DCC: variants seen among roughly 807,000 people sequenced by gnomAD.
The protein encoded by DCC is DCC netrin 1 receptor, also known as netrin receptor DCC.
A neutral mutation model predicts 172.5 loss-of-function variants in DCC; 58 were observed. The observed-to-expected ratio is 0.34, with a 90% CI of 0.27 to 0.42. DCC has a LOEUF of 0.42. Ranked by LOEUF, DCC falls within the 10% of genes least tolerant of loss-of-function variation. The pLI, the probability that DCC is intolerant of heterozygous loss-of-function variation, is 1.00. For missense variants in DCC, 1,740 were observed against 1,791.0 expected, an observed-to-expected ratio of 0.97 and a Z score of 0.51; for synonymous variants, 709 against 644.5, an observed-to-expected ratio of 1.10 and a Z score of -1.52.
At chr18:52,362,134 T>A (rs1372035295) in intron 1 of DCC, among the ~76,000 whole-genome samples, 1 of 152,232 alleles carries the variant, frequency 6.6e-6, no homozygotes, top group Non-Finnish European at 1.5e-5. Flanking sequence ...AAATGAACCA[T>A]GAGTTGCTTG....
At chr18:53,392,134 A>G (rs1473794285) in intron 17 of DCC, among the ~76,000 whole-genome samples, 2 of 152,094 alleles carry the variant, frequency 1.3e-5, no homozygotes, top group Non-Finnish European at 2.9e-5. Flanking sequence ...CCAGATGCTG[A>G]GTTTGTATAA....
In DCC at chr18:52,674,637, C is replaced by G. The variant is rs139072472; in HGVS notation, c.92-77417C>G. ...CCAAAAAATGTGATTCTCTAAGAAGCCTTCATGTAACAATCTATACATTGG... is the reference window on the plus strand; with the variant it reads ...CCAAAAAATGTGATTCTCTAAGAAGGCTTCATGTAACAATCTATACATTGG... On this transcript the variant is annotated intron_variant, in intron 1 of 28. Coordinates refer to ENST00000442544, the MANE Select transcript of DCC (RefSeq NM_005215.4). Among the ~76,000 whole-genome samples, 319 of 152,322 alleles carry G rather than the reference C, an allele frequency of 2.1e-3. 2 individuals are homozygous for G. Among genetic ancestry groups the G allele is most frequent in the African/African-American group, 6.0e-3 (251 of 41,566 alleles).
At chr18:53,125,522 T>C (rs2043542882) in intron 7 of DCC, among the ~76,000 whole-genome samples, 1 of 152,126 alleles carries the variant, frequency 6.6e-6, no homozygotes, top group African/African-American at 2.4e-5. Flanking sequence ...TTATTGGTAC[T>C]CATCTTATAG....
At chr18:53,028,629 A>G (rs866076771) in intron 5 of DCC, among the ~76,000 whole-genome samples, 2 of 152,258 alleles carry the variant, frequency 1.3e-5, no homozygotes, top group Middle Eastern at 3.4e-3. Flanking sequence ...TTATTTGCAA[A>G]ATTGACTGTT....
chr18:52,564,256 C>T (rs76399800), intron 1 of DCC, among the ~76,000 whole-genome samples: 1,571 of 152,202 alleles, frequency 0.01, 7 homozygotes, highest in Non-Finnish European at 0.017. Flanking sequence ...CATTTACATA[C>T]ATGTGCATAT....
chr18:52,866,789 CTA>C (rs2039235699), intron 2 of DCC, among the ~76,000 whole-genome samples: 2 of 152,160 alleles, frequency 1.3e-5, no homozygotes, highest in Non-Finnish European at 2.9e-5. Flanking sequence ...TGGGCTGAGA[CTA>C]TGGGGTTTTC....
chr18:52,422,831 C>A (rs1344910427), intron 1 of DCC, among the ~76,000 whole-genome samples: 1 of 152,042 alleles, frequency 6.6e-6, no homozygotes, highest in Non-Finnish European at 1.5e-5. Context: ...AAGAAGGGTG[C>A]AAAGATACAA....
intron 17 of DCC, among the ~76,000 whole-genome samples, chr18:53,394,540 T>G (rs10163694): frequency 6.6e-6 from 1 of 151,914 alleles, no homozygotes; most frequent in Admixed American, 6.6e-5. Flanking sequence ...ATGTTTTATA[T>G]GAATTTCTAT....
chr18:52,941,615 TA>T (rs1251677300), intron 5 of DCC, among the ~76,000 whole-genome samples: 16 of 151,960 alleles, frequency 1.1e-4, no homozygotes, highest in Non-Finnish European at 2.1e-4. Flanking sequence ...TAAAAGGAAA[TA>T]TTTTGTCATT....
At chr18:53,191,724 A>G (rs1168151338) in intron 9 of DCC, among the ~76,000 whole-genome samples, 1 of 151,642 alleles carries the variant, frequency 6.6e-6, no homozygotes, top group African/African-American at 2.4e-5. Flanking sequence ...TATCTAAATA[A>G]CATTCATAGT....
chr18:53,320,084 T>G (rs2057391493), intron 13 of DCC, among the ~76,000 whole-genome samples: 1 of 149,300 alleles, frequency 6.7e-6, no homozygotes, highest in South Asian at 2.2e-4. Flanking sequence ...TTTTTTTTTT[T>G]TTTTTTGAGA....
At chr18:53,339,679 A>G (rs753132447) in intron 14 of DCC, 34 bp from the exon 15 acceptor site, 25 of 1,557,652 alleles carry the variant, frequency 1.6e-5, no homozygotes, top group Non-Finnish European at 2.2e-5. Flanking sequence ...TTCTGTTATG[A>G]GACATGCTGA....
chr18:53,262,570 C>A (rs532042905), intron 12 of DCC, among the ~76,000 whole-genome samples: 1 of 152,348 alleles, frequency 6.6e-6, no homozygotes, highest in South Asian at 2.1e-4. Flanking sequence ...CATAGTTCCT[C>A]AGAAAGGTGA....
chr18:53,248,056 A>C (rs138940670), intron 12 of DCC, among the ~76,000 whole-genome samples: 95 of 152,146 alleles, frequency 6.2e-4, no homozygotes, highest in African/African-American at 1.9e-3. Context: ...ATGTTCAGGA[A>C]TAGATGCTCA....
chr18:52,741,814 C>A (rs186342070), intron 1 of DCC, among the ~76,000 whole-genome samples: 1 of 152,060 alleles, frequency 6.6e-6, no homozygotes, highest in Non-Finnish European at 1.5e-5. Context: ...CCTCTGCCTG[C>A]GGTGTTCTTC....
At chr18:52,653,590 T>A (rs1245339764) in intron 1 of DCC, among the ~76,000 whole-genome samples, 1 of 152,204 alleles carries the variant, frequency 6.6e-6, no homozygotes, top group African/African-American at 2.4e-5. Flanking sequence ...TTCTGAGAGT[T>A]CAAACTTTGC....
At chr18:52,555,899 A>G (rs1228761190) in intron 1 of DCC, among the ~76,000 whole-genome samples, 1 of 151,742 alleles carries the variant, frequency 6.6e-6, no homozygotes, top group Non-Finnish European at 1.5e-5. Flanking sequence ...TTCATTAATA[A>G]CTCTTCTTGA....
chr18:52,850,385 C>T (rs2038957094), intron 2 of DCC, among the ~76,000 whole-genome samples: 1 of 152,090 alleles, frequency 6.6e-6, no homozygotes, highest in African/African-American at 2.4e-5. Context: ...GTCTCTCCCC[C>T]AACTGTATTT....
intron 1 of DCC, among the ~76,000 whole-genome samples, chr18:52,633,299 C>G (rs2034712111): frequency 6.6e-6 from 1 of 152,124 alleles, no homozygotes; most frequent in African/African-American, 2.4e-5. Context: ...GCAGGAATAA[C>G]CAGCAACAAT....
Sources: gnomAD v4.1 joint callset for allele counts (sites outside exome capture counted in the v4.1 genomes callset) on GRCh38, gnomAD v4.1.1 for gene constraint, MANE v1.5 for transcripts, NCBI Gene and HGNC (gene_info 2026-07-23, HGNC 2026-07-21) for gene names.